Variants in MMP3 observed in about 807,000 individuals in gnomAD.
MMP3 encodes the protein matrix metallopeptidase 3, also known as stromelysin-1.
Under a neutral mutation model 47.3 loss-of-function variants are expected in MMP3, and 46 were observed. That is an observed-to-expected ratio of 0.97 (90% CI 0.77 to 1.24). MMP3 has a LOEUF of 1.24. MMP3 is among the 50% of genes most tolerant of loss of function. The pLI, the probability that MMP3 is intolerant of heterozygous loss-of-function variation, is 0.00. For synonymous variants in MMP3, 216 were observed against 206.5 expected (o/e 1.05, Z -0.39); for missense variants, 558 against 565.5 (o/e 0.99, Z 0.13).
rs571151262 is a variant in MMP3 at position 102,836,439 on chromosome 11, T to C, written c.1334-213A>G. On this transcript the variant is annotated intron_variant, in intron 9 of 9. Transcript: ENST00000299855. The surrounding 1 kb of genome is among the most constrained non-coding windows in gnomAD (Gnocchi z 4.6). ...TTGTATGTCTAACTCCATTTACAGA[T>C]TGAGCAAGTTGAGGTTGAGACAGAT... The C allele has an allele frequency of 1.6e-5, 10 of 620,254 alleles. No individual in the cohort carries two copies. The African/African-American group carries it at 1.6e-4, about 10-fold the overall frequency. The allele number at this position is 620,254 out of a possible 1,614,324, so 38.4% of individuals were successfully genotyped here.
chr11:102,842,896 G>T lies in MMP3; in HGVS notation c.126C>A (p.Tyr42Ter), dbSNP rs138533783. 42 of 1,607,690 alleles carry T rather than the reference G, an allele frequency of 2.6e-5. No individual in the cohort carries two copies. In the African/African-American group the frequency reaches 5.4e-4, roughly 20 times the overall value. ...ACTGTTTCACATCTTTTTTGAGGTC[G>T]TAGTAGTTTTCTAGATATTTCTAAC... ...NLVQKYLENY[Y>*]DLKKDVKQFV... The change falls in exon 2 of 10, where the codon TAC (tyrosine) becomes TAA (stop). Residue 42 changes from tyrosine (Y) to a stop codon, truncating the protein, a stop_gained. Transcript: ENST00000299855. LOFTEE classifies it high-confidence loss of function.
chr11:102,840,354 T>A, intron 5 of MMP3, 75 bp downstream of exon 5: 1 of 1,587,570 alleles, frequency 6.3e-7, no homozygotes, highest in Non-Finnish European at 8.6e-7. Context: ...ATAAATACTT[T>A]ATGTAGCATT....
In MMP3 at chr11:102,836,955, C is replaced by A. The variant is rs1160113080; in HGVS notation, c.1333+343G>T. On this transcript the variant is annotated intron_variant, in intron 9 of 9. Transcript: ENST00000299855. The surrounding 1 kb of genome is among the most constrained non-coding windows in gnomAD (Gnocchi z 4.6). ...AGAAGGCCAGCTAACCAACATTAAA[C>A]CTGGCCACACCACTTGATGGGATTT... Among the ~76,000 whole-genome samples, 4 of 152,116 alleles carry A rather than the reference C, an allele frequency of 2.6e-5. No homozygotes were observed. Among genetic ancestry groups the A allele is most frequent in the African/African-American group, 9.7e-5 (4 of 41,414 alleles).
chr11:102,838,530 G>T (rs781803674), intron 8 of MMP3, 21 bp downstream of exon 8: 1 of 1,606,532 alleles, frequency 6.2e-7, no homozygotes, highest in African/African-American at 1.3e-5. Context: ...TCCATACAAA[G>T]TCATTTCTCT....
rs1200652061 is a variant in MMP3, at chr11:102,840,467, A to T, written c.752T>A (p.Leu251Gln). The T allele has an allele frequency of 6.2e-7, 1 of 1,613,998 alleles. No homozygotes were observed. The highest frequency in any genetic ancestry group is 8.5e-7 in the Non-Finnish European group (1 of 1,180,008). Residue 251 changes from leucine to glutamine, a missense_variant, in exon 5 of 10, where the codon CTG (leucine) becomes CAG (glutamine). Coordinates refer to ENST00000299855, the MANE Select transcript of MMP3 (RefSeq NM_002422.5). The part of the protein sequence containing the change: ...HSLTDLTRFR[L>Q]SQDDINGIQS... ...AATGCCATTTATATCATCTTGAGAC[A>T]GGCGGAACCGAGTCAGGTCTGTGAG... is the stretch of plus-strand genomic sequence containing the variant.
In MMP3 at chr11:102,837,298, C is replaced by A. The variant is rs781997796; in HGVS notation, c.1333G>T (p.Gly445Trp). The change falls in exon 9 of 10, where the codon GGG (glycine) becomes TGG (tryptophan). Residue 445 changes from glycine (G) to tryptophan (W), a missense_variant and splice_region_variant. Gly to Trp is a radical substitution (Grantham distance 184). Transcript: ENST00000299855. The surrounding 1 kb of genome is among the most constrained non-coding windows in gnomAD (Gnocchi z 4.4). ...GCCAACACAGTAAGTATCCTCTTAC[C>A]AAATTCTTCAAAAACAGCATCAATC... ...SKIDAVFEEF[G>W]FFYFFTGSSQ... 6.2e-7 allele frequency: 1 copy of A among 1,610,970 alleles called. No individual in the cohort carries two copies. Among genetic ancestry groups the A allele is most frequent in the Non-Finnish European group, 8.5e-7 (1 of 1,177,954 alleles).
At position 102,842,758 on chromosome 11, in the gene MMP3, G is replaced by T. The variant is rs1555005779; in HGVS notation, c.264C>A (p.Arg88=). Residue 88 remains arginine, a synonymous_variant, in exon 2 of 10, where the codon CGC becomes CGA. Coordinates refer to ENST00000299855, the MANE Select transcript of MMP3 (RefSeq NM_002422.5). The stretch of plus-strand genomic sequence containing the variant: ...CATCAGGAACTCCACACCTGGGCTT[G>T]CGCATCACCTCCAGAGTGTCGGAGT... The part of the protein sequence containing the change: ...KLDSDTLEVM[R]KPRCGVPDVG... 6.2e-7 allele frequency: 1 copy of T among 1,613,966 alleles called. No homozygotes were observed. Among genetic ancestry groups the T allele is most frequent in the East Asian group, 2.2e-5 (1 of 44,876 alleles).
At chr11:102,842,116 A>G (rs1555005519) in intron 4 of MMP3, 38 bp downstream of exon 4, 2 of 1,488,076 alleles carry the variant, frequency 1.3e-6, no homozygotes, top group Non-Finnish European at 9.0e-7. Context: ...ATATAAAAAA[A>G]TTAATGCCAA....
Position 102,836,009 on chromosome 11 carries a change from TG to T in MMP3, c.*116del, listed in dbSNP as rs1858873686. ...AGATTCACGCTCAAGTTCCCTTGAG[TG>T]TGACTCGAGTCACAGCACAGGCAGG... is the stretch of plus-strand genomic sequence containing the variant. On this transcript the variant is annotated 3_prime_UTR_variant, in exon 10 of 10. Coordinates refer to ENST00000299855, the MANE Select transcript of MMP3 (RefSeq NM_002422.5). This position sits in a 1 kb window ranked among gnomAD's most constrained non-coding sequence, Gnocchi z 4.6. 1.3e-6 allele frequency: 1 copy of T among 742,156 alleles called. No individual in the cohort carries two copies. Among genetic ancestry groups the T allele is most frequent in the Non-Finnish European group, 2.3e-6 (1 of 435,058 alleles). The allele number at this position is 742,156 out of a possible 1,614,324, so 46.0% of individuals were successfully genotyped here.
chr11:102,841,804 T>G (rs1308561495), intron 4 of MMP3, among the ~76,000 whole-genome samples: 1 of 152,136 alleles, frequency 6.6e-6, no homozygotes, highest in Non-Finnish European at 1.5e-5. Flanking sequence ...ATTACATAAG[T>G]AACATCCAGA....
chr11:102,839,473 AATT>A (rs1405387560), intron 6 of MMP3, among the ~76,000 whole-genome samples: 2 of 152,164 alleles, frequency 1.3e-5, no homozygotes, highest in Non-Finnish European at 2.9e-5. Context: ...ATGAAAGAAA[AATT>A]ATTCTATCGT....
intron 1 of MMP3, among the ~76,000 whole-genome samples, 167 bp downstream of exon 1, chr11:102,843,275 G>A (rs112520773): frequency 8.7e-4 from 133 of 152,202 alleles, no homozygotes; most frequent in African/African-American, 3.1e-3. Context: ...AAGCCCAAAT[G>A]GTGTGATAAT....
intron 8 of MMP3, among the ~76,000 whole-genome samples, chr11:102,838,253 C>T (rs1047604639): frequency 3.9e-5 from 6 of 152,088 alleles, no homozygotes; most frequent in Non-Finnish European, 7.3e-5. Context: ...GGTGATGAGA[C>T]TTGAGCCAGG....
At position 102,836,059 on chromosome 11, in the gene MMP3, A is replaced by G. The variant is rs913971966; in HGVS notation, c.*67T>C. On this transcript the variant is annotated 3_prime_UTR_variant, in exon 10 of 10. Transcript: ENST00000299855. The surrounding 1 kb of genome is among the most constrained non-coding windows in gnomAD (Gnocchi z 4.6). Reference sequence around the variant, plus strand: ...GGAGAAAACGAACATTTCAATTCACAGAGACTTAGGTGAAGAATTATTAGC... The same window carrying G: ...GGAGAAAACGAACATTTCAATTCACGGAGACTTAGGTGAAGAATTATTAGC... The G allele has an allele frequency of 1.7e-5, 21 of 1,202,312 alleles. No homozygotes were observed. Among genetic ancestry groups the G allele is most frequent in the Admixed American group, 1.3e-4 (7 of 54,544 alleles). 74.5% of individuals were successfully genotyped at this position (1,202,312 alleles called of 1,614,324 possible).
chr11:102,842,655 C>T lies in MMP3; in HGVS notation c.350+17G>A. On this transcript the variant is annotated intron_variant, in intron 2 of 9. Transcript: ENST00000299855. ...ATAAAATTCCAATCTTATGTGAAAACCCCTCTGAACCATTACCTGTATGTA... is the reference window on the plus strand; with the variant it reads ...ATAAAATTCCAATCTTATGTGAAAATCCCTCTGAACCATTACCTGTATGTA... 6 of 1,613,112 alleles carry T rather than the reference C, an allele frequency of 3.7e-6. No individual in the cohort carries two copies. Among genetic ancestry groups the T allele is most frequent in the Non-Finnish European group, 5.1e-6 (6 of 1,179,498 alleles).
At chr11:102,838,889 G>A (rs1043076057) in intron 7 of MMP3, among the ~76,000 whole-genome samples, 179 bp from the exon 8 acceptor site, 1 of 152,086 alleles carries the variant, frequency 6.6e-6, no homozygotes, top group Non-Finnish European at 1.5e-5. Context: ...AATGAACTAA[G>A]GTCAAATGAG....
Position 102,842,069 on chromosome 11 carries a change from A to G in MMP3, c.625+85T>C. The G allele has an allele frequency of 2.3e-6, 3 of 1,329,344 alleles. No individual in the cohort carries two copies. The South Asian group carries it at 6.7e-5, about 30-fold the overall frequency. The allele number at this position is 1,329,344 out of a possible 1,614,324, so 82.3% of individuals were successfully genotyped here. On this transcript the variant is annotated intron_variant, in intron 4 of 9. Transcript: ENST00000299855. ...TCCACTGGAAAATCCAGAACATCTCATTTCTTGAGCATTCTTGGTTATTAA... is the reference window on the plus strand; with the variant it reads ...TCCACTGGAAAATCCAGAACATCTCGTTTCTTGAGCATTCTTGGTTATTAA...
chr11:102,836,601 A>G lies in MMP3; in HGVS notation c.1334-375T>C, dbSNP rs893048384. The G allele has an allele frequency of 3.3e-5, 16 of 477,892 alleles. No individual in the cohort carries two copies. Among genetic ancestry groups the G allele is most frequent in the Non-Finnish European group, 8.6e-6 (2 of 231,910 alleles). The allele number at this position is 477,892 out of a possible 1,614,324, so 29.6% of individuals were successfully genotyped here. On this transcript the variant is annotated intron_variant, in intron 9 of 9. Transcript: ENST00000299855. This position sits in a 1 kb window ranked among gnomAD's most constrained non-coding sequence, Gnocchi z 4.6. ...TCAGATAAATTCTCCACTTGCTTGG[A>G]AACTCTCATCACCTATTTCTTTCTT...
rs11418340 is a variant in MMP3, at chr11:102,842,404, CTTTTTT to C, written c.499+21_499+26del. On this transcript the variant is annotated intron_variant, in intron 3 of 9. Coordinates refer to ENST00000299855, the MANE Select transcript of MMP3 (RefSeq NM_002422.5). ...GTGTTTTTTGTTTTGTTTTGTTTTG[CTTTTTT>C]TTTTTTTTTTTTTTTTTTACCTCTA... The C allele has an allele frequency of 5.0e-3, 4,076 of 808,282 alleles. 1 individual carries two copies. The highest frequency in any genetic ancestry group is 5.5e-3 in the Non-Finnish European group (3,419 of 624,784). 50.1% of individuals were successfully genotyped at this position (808,282 alleles called of 1,614,324 possible).
Sources: gnomAD v4.1 joint callset for allele counts (sites outside exome capture counted in the v4.1 genomes callset) on GRCh38, gnomAD v4.1.1 for gene constraint, Gnocchi (gnomAD v3.1) non-coding constraint, MANE v1.5 for transcripts, NCBI Gene and HGNC (gene_info 2026-07-23, HGNC 2026-07-21) for gene names.